ERGIC2: variants seen among roughly 807,000 people sequenced by gnomAD.
ERGIC2 encodes the protein ERGIC and golgi 2.
A neutral mutation model predicts 52.5 loss-of-function variants in ERGIC2; 31 were observed. That is an observed-to-expected ratio of 0.59 (90% CI 0.44 to 0.80). ERGIC2 has a LOEUF of 0.80. Ranked by LOEUF, ERGIC2 falls within the 30% of genes least tolerant of loss-of-function variation. The pLI, the probability that ERGIC2 is intolerant of heterozygous loss-of-function variation, is 0.00. For missense variants in ERGIC2, 395 were observed against 455.2 expected (o/e 0.87, Z 1.20); for synonymous variants, 129 against 140.6 (o/e 0.92, Z 0.58).
At chr12:29,341,672 T>C (rs2136846613) in intron 13 of ERGIC2, 62 bp downstream of exon 13, 1 of 892,474 alleles carries the variant, frequency 1.1e-6, no homozygotes, top group South Asian at 1.4e-5. Flanking sequence ...CATGACTGGC[T>C]CATAGACTTA....
chr12:29,379,086 G>C (rs1288545739), intron 1 of ERGIC2, among the ~76,000 whole-genome samples: 4 of 152,174 alleles, frequency 2.6e-5, no homozygotes, highest in African/African-American at 9.6e-5. Context: ...AGTTAAGAGA[G>C]ACTATAGAGT....
intron 5 of ERGIC2, among the ~76,000 whole-genome samples, chr12:29,363,835 G>GAAA (rs71042988): frequency 7.7e-6 from 1 of 129,568 alleles, no homozygotes; most frequent in Non-Finnish European, 1.6e-5. Context: ...TCATAAATGT[G>GAAA]AAAAAAAAAA....
intron 1 of ERGIC2, chr12:29,373,088 A>G (rs1224672777): frequency 6.6e-6 from 1 of 151,744 alleles, no homozygotes; most frequent in Non-Finnish European, 1.5e-5. Context: ...AAGATACATA[A>G]GAAACAAAAC....
chr12:29,353,327 T>C (rs1940158716), intron 8 of ERGIC2, among the ~76,000 whole-genome samples: 1 of 152,196 alleles, frequency 6.6e-6, no homozygotes, highest in South Asian at 2.1e-4. Flanking sequence ...TATTACTAGC[T>C]CCAATCATAT....
intron 4 of ERGIC2, among the ~76,000 whole-genome samples, chr12:29,367,721 A>G (rs778622303): frequency 2.0e-5 from 3 of 151,878 alleles, no homozygotes; most frequent in Non-Finnish European, 4.4e-5. Flanking sequence ...TTTTGAAAAC[A>G]GTATTGATTC....
At chr12:29,374,679 T>C (rs1345604737) in intron 1 of ERGIC2, among the ~76,000 whole-genome samples, 3 of 152,186 alleles carry the variant, frequency 2.0e-5, no homozygotes, top group African/African-American at 7.2e-5. Context: ...GCCAGAAACA[T>C]GGGTTATATC....
chr12:29,356,108 G>A (rs1423873487), intron 8 of ERGIC2, among the ~76,000 whole-genome samples: 3 of 151,548 alleles, frequency 2.0e-5, no homozygotes, highest in African/African-American at 7.3e-5. Context: ...TACAACCTCC[G>A]CCTCCTGGGT....
At chr12:29,365,761 C>A (rs996877039) in intron 5 of ERGIC2, among the ~76,000 whole-genome samples, 2 of 150,822 alleles carry the variant, frequency 1.3e-5, no homozygotes, top group African/African-American at 4.9e-5. Context: ...TAATAATAAT[C>A]ACTTAGATCA....
chr12:29,364,996 C>CTTA (rs1353295730), intron 5 of ERGIC2, among the ~76,000 whole-genome samples: 1 of 150,996 alleles, frequency 6.6e-6, no homozygotes, highest in Non-Finnish European at 1.5e-5. Context: ...AAAGGGAACA[C>CTTA]TTATATGCTG....
intron 5 of ERGIC2, among the ~76,000 whole-genome samples, chr12:29,362,925 A>G (rs1940306559): frequency 6.6e-6 from 1 of 152,246 alleles, no homozygotes; most frequent in Admixed American, 6.5e-5. Flanking sequence ...ATGTATAAAT[A>G]AAATGATTGA....
chr12:29,350,086 A>C lies in ERGIC2; in HGVS notation c.573-18T>G, dbSNP rs753844760. 13 of 1,529,542 alleles carry C rather than the reference A, an allele frequency of 8.5e-6. No individual in the cohort carries two copies. Among genetic ancestry groups the C allele is most frequent in the Non-Finnish European group, 1.1e-5 (12 of 1,106,334 alleles). The allele number at this position is 1,529,542 out of a possible 1,614,324, so 94.7% of individuals were successfully genotyped here. ...GAATTGCCCTGAAAGGAGAAAAAACAATTATTAAAGTAGTACCATTTATAT... is the reference window on the plus strand; with the variant it reads ...GAATTGCCCTGAAAGGAGAAAAAACCATTATTAAAGTAGTACCATTTATAT... On this transcript the variant is annotated intron_variant, in intron 8 of 13. Transcript: ENST00000360150.
At chr12:29,377,887 T>A (rs1940535687) in intron 1 of ERGIC2, among the ~76,000 whole-genome samples, 1 of 152,218 alleles carries the variant, frequency 6.6e-6, no homozygotes, top group Non-Finnish European at 1.5e-5. Flanking sequence ...AAGACAAAAG[T>A]TATTTCCTGC....
intron 6 of ERGIC2, 61 bp downstream of exon 6, chr12:29,361,584 T>C: frequency 7.6e-7 from 1 of 1,319,644 alleles, no homozygotes; most frequent in Non-Finnish European, 1.1e-6. Context: ...TATAAATAGT[T>C]TACAATAGAC....
intron 1 of ERGIC2, among the ~76,000 whole-genome samples, chr12:29,376,796 A>G (rs1271858248): frequency 6.6e-6 from 1 of 152,192 alleles, no homozygotes; most frequent in African/African-American, 2.4e-5. Flanking sequence ...CAGATCATCA[A>G]TGCTTGCCAG....
At chr12:29,366,829 CGATT>C (rs1565543225) in intron 5 of ERGIC2, 44 bp downstream of exon 5, 1 of 1,163,212 alleles carries the variant, frequency 8.6e-7, no homozygotes, top group East Asian at 2.4e-5. Flanking sequence ...TTCAAGCGTA[CGATT>C]CCTCAACCCG....
intron 5 of ERGIC2, among the ~76,000 whole-genome samples, chr12:29,362,584 A>T (rs1940302158): frequency 6.9e-6 from 1 of 144,612 alleles, no homozygotes; most frequent in Non-Finnish European, 1.5e-5. Flanking sequence ...ACACAAAGTG[A>T]AACTCCGTTT....
chr12:29,357,478 C>G, intron 7 of ERGIC2, 145 bp downstream of exon 7: 1 of 520,866 alleles, frequency 1.9e-6, no homozygotes, highest in South Asian at 3.2e-5. Flanking sequence ...AATTTAAGAG[C>G]AAAAGGCGTC....
At chr12:29,341,352 C>G in intron 13 of ERGIC2, 134 bp from the exon 14 acceptor site, 2 of 712,412 alleles carry the variant, frequency 2.8e-6, no homozygotes, top group South Asian at 1.7e-5. Flanking sequence ...TCTCTCTCCC[C>G]CTATTTCTCT....
In ERGIC2 at chr12:29,338,375, T is replaced by C. The variant is rs1949811917; in HGVS notation, c.*2781A>G. The C allele has an allele frequency of 6.6e-6, 1 of 152,180 alleles. No individual in the cohort carries two copies. Among genetic ancestry groups the C allele is most frequent in the Admixed American group, 6.6e-5 (1 of 15,260 alleles). 9.4% of individuals were successfully genotyped at this position (152,180 alleles called of 1,614,324 possible). On this transcript the variant is annotated 3_prime_UTR_variant, in exon 14 of 14. Transcript: ENST00000360150. The stretch of plus-strand genomic sequence containing the variant: ...GAAGTAATTTGGGTGCCAGGTGCAG[T>C]GGCTCGTGCCTATAATTCCAGCAAT...
Sources: gnomAD v4.1 joint callset for allele counts (sites outside exome capture counted in the v4.1 genomes callset) on GRCh38, gnomAD v4.1.1 for gene constraint, MANE v1.5 for transcripts, NCBI Gene and HGNC (gene_info 2026-07-23, HGNC 2026-07-21) for gene names.